DGKB: variants seen among roughly 807,000 people sequenced by gnomAD.
DGKB encodes the protein 90 kDa diacylglycerol kinase.
DGKB carries 67 observed loss-of-function variants against 114.3 expected under a neutral mutation model. The observed-to-expected ratio is 0.59, with a 90% CI of 0.48 to 0.72. The LOEUF (loss-of-function observed/expected upper bound fraction) is 0.72. Ranked by LOEUF, DGKB falls within the 30% of genes least tolerant of loss-of-function variation. The pLI, the probability that DGKB is intolerant of heterozygous loss-of-function variation, is 0.00. For synonymous variants in DGKB, 398 were observed against 323.1 expected (o/e 1.23, Z -2.49); for missense variants, 907 against 975.2 (o/e 0.93, Z 0.93).
At chr7:14,683,611 A>C (rs986760625) in intron 10 of DGKB, among the ~76,000 whole-genome samples, 32 of 152,226 alleles carry the variant, frequency 2.1e-4, no homozygotes, top group African/African-American at 7.7e-4. Context: ...TTTTAATAAA[A>C]TGTTGGTTCC....
intron 13 of DGKB, among the ~76,000 whole-genome samples, chr7:14,658,983 A>G (rs532082448): frequency 6.6e-6 from 1 of 151,952 alleles, no homozygotes; most frequent in Non-Finnish European, 1.5e-5. Flanking sequence ...TACATGTGCC[A>G]TGGTGGTTTG....
At chr7:14,497,817 C>T (rs1785524349) in intron 20 of DGKB, among the ~76,000 whole-genome samples, 1 of 151,904 alleles carries the variant, frequency 6.6e-6, no homozygotes, top group Non-Finnish European at 1.5e-5. Context: ...AGCTCAATTG[C>T]TTCCTTCTGT....
At chr7:14,670,406 G>T (rs939794729) in intron 13 of DGKB, among the ~76,000 whole-genome samples, 1 of 151,730 alleles carries the variant, frequency 6.6e-6, no homozygotes, top group Non-Finnish European at 1.5e-5. Context: ...GGGTTCAAGC[G>T]ATTCCCCTGC....
chr7:14,799,480 G>C (rs778284440), intron 2 of DGKB, among the ~76,000 whole-genome samples: 3 of 152,142 alleles, frequency 2.0e-5, no homozygotes, highest in Non-Finnish European at 4.4e-5. Context: ...GTATTTCAGA[G>C]GGTAAAAAGT....
intron 20 of DGKB, among the ~76,000 whole-genome samples, chr7:14,479,146 T>C (rs1262756620): frequency 6.6e-6 from 1 of 152,120 alleles, no homozygotes; most frequent in African/African-American, 2.4e-5. Context: ...AAAAGGGCTA[T>C]TGTTGACATT....
At chr7:14,738,145 C>T (rs1832025333) in intron 4 of DGKB, among the ~76,000 whole-genome samples, 1 of 152,284 alleles carries the variant, frequency 6.6e-6, no homozygotes, top group Admixed American at 6.5e-5. Flanking sequence ...TAGAGATGAC[C>T]TATTAAAGAG....
chr7:14,974,031 G>C (rs1289053801), intron 1 of DGKB, among the ~76,000 whole-genome samples: 1 of 151,686 alleles, frequency 6.6e-6, no homozygotes, highest in Admixed American at 6.6e-5. Flanking sequence ...ATTTGGCTCA[G>C]ATCAAATAAA....
upstream of DGKB, among the ~76,000 whole-genome samples, chr7:14,905,159 G>A (rs1295695800): frequency 1.3e-5 from 2 of 151,336 alleles, no homozygotes; most frequent in Non-Finnish European, 2.9e-5. Flanking sequence ...ATAAGAAGGA[G>A]TCTAAACATC....
At chr7:14,302,544 A>G (rs1803739109) in intron 23 of DGKB, among the ~76,000 whole-genome samples, 2 of 152,214 alleles carry the variant, frequency 1.3e-5, no homozygotes, top group South Asian at 2.1e-4. Flanking sequence ...TACTCTAGGT[A>G]CATGGAATTC....
intron 1 of DGKB, among the ~76,000 whole-genome samples, chr7:14,964,118 T>A (rs569986797): frequency 1.3e-5 from 2 of 149,526 alleles, no homozygotes; most frequent in Admixed American, 6.6e-5. Flanking sequence ...AATCTCCTTA[T>A]CAGTTGAGTT....
chr7:14,652,954 G>C (rs531424128), intron 13 of DGKB, among the ~76,000 whole-genome samples: 4,682 of 151,708 alleles, frequency 0.031, 260 homozygotes, highest in African/African-American at 0.11. Flanking sequence ...ACCATAATGA[G>C]ATACCATCTC....
At chr7:14,706,154 G>A (rs1424809206) in intron 6 of DGKB, among the ~76,000 whole-genome samples, 3 of 139,518 alleles carry the variant, frequency 2.2e-5, no homozygotes, top group Non-Finnish European at 4.6e-5. Context: ...AAAAAAGGCA[G>A]GGGTTGCAAT....
At chr7:14,657,593 G>A (rs977777501) in intron 13 of DGKB, among the ~76,000 whole-genome samples, 5 of 151,798 alleles carry the variant, frequency 3.3e-5, no homozygotes, top group African/African-American at 4.8e-5. Context: ...TTTGCTTAAA[G>A]GTTAAAGAGG....
chr7:14,285,063 C>A (rs951672809), intron 23 of DGKB, among the ~76,000 whole-genome samples: 2 of 151,936 alleles, frequency 1.3e-5, no homozygotes, highest in African/African-American at 4.8e-5. Context: ...GAAAATTATA[C>A]TGCTAAACCT....
At chr7:14,423,746 T>C (rs1047607859) in intron 21 of DGKB, among the ~76,000 whole-genome samples, 13 of 152,130 alleles carry the variant, frequency 8.5e-5, no homozygotes, top group Non-Finnish European at 1.5e-4. Flanking sequence ...TTGACACACA[T>C]TTAACATTCA....
intron 1 of DGKB, among the ~76,000 whole-genome samples, chr7:14,877,625 C>T (rs991063978): frequency 6.6e-6 from 1 of 152,188 alleles, no homozygotes; most frequent in Non-Finnish European, 1.5e-5. Flanking sequence ...CATTGCATTT[C>T]CATCACCCTG....
chr7:14,742,145 T>G (rs930749796), intron 4 of DGKB, among the ~76,000 whole-genome samples: 8 of 152,164 alleles, frequency 5.3e-5, no homozygotes, highest in African/African-American at 1.4e-4. Flanking sequence ...ACCCCAGTAA[T>G]TAGAGGCAGA....
intron 1 of DGKB, among the ~76,000 whole-genome samples, chr7:14,962,442 A>AT (rs1265620190): frequency 1.6e-4 from 24 of 152,152 alleles, no homozygotes; most frequent in Admixed American, 1.6e-3. Context: ...GAATGAAATA[A>AT]TTTATTCTGA....
intron 21 of DGKB, among the ~76,000 whole-genome samples, chr7:14,401,805 A>G (rs1190474421): frequency 1.3e-5 from 2 of 151,786 alleles, no homozygotes; most frequent in South Asian, 2.1e-4. Context: ...AGACCACTCA[A>G]TGGCAGTCAA....
Sources: allele counts gnomAD v4.1 joint callset (sites outside exome capture counted in the v4.1 genomes callset), GRCh38; gene constraint gnomAD v4.1.1; transcripts MANE v1.5; gene names NCBI Gene and HGNC (gene_info 2026-07-23, HGNC 2026-07-21).